The following ATR variants were observed in gnomAD, a reference collection of about 807,000 sequenced individuals.
The protein encoded by ATR is ATR checkpoint kinase.
A neutral mutation model predicts 305.3 loss-of-function variants in ATR; 142 were observed. The ratio of observed to expected loss-of-function variants is 0.47; its 90% CI spans 0.41 to 0.53. The LOEUF is 0.53. Among genes scored for constraint, ATR ranks in the 20% least tolerant of loss-of-function variants. ATR has a pLI of 0.00. For synonymous variants in ATR, 1,050 were observed against 1,068.1 expected (o/e 0.98, Z 0.33); for missense variants, 2,135 against 3,133.1 (o/e 0.68, Z 7.60).
chr3:142,557,475 T>C (rs1227859241), intron 8 of ATR, among the ~76,000 whole-genome samples: 4 of 152,136 alleles, frequency 2.6e-5, no homozygotes, highest in Non-Finnish European at 5.9e-5. Context: ...ATAAAGATAG[T>C]GTTGATCAAC....
At chr3:142,577,991 ACT>A (rs2035494732) in intron 1 of ATR, among the ~76,000 whole-genome samples, 3 of 152,176 alleles carry the variant, frequency 2.0e-5, no homozygotes, top group Non-Finnish European at 4.4e-5. Context: ...TTTTGGCAAC[ACT>A]CTGTGCACGC....
At chr3:142,515,165 A>G (rs550515749) in intron 25 of ATR, among the ~76,000 whole-genome samples, 1 of 152,292 alleles carries the variant, frequency 6.6e-6, no homozygotes, top group East Asian at 1.9e-4. Flanking sequence ...TTACACACAC[A>G]TTAAGACCAT....
intron 21 of ATR, among the ~76,000 whole-genome samples, chr3:142,533,542 TTC>T (rs1290535583): frequency 2.0e-5 from 3 of 152,158 alleles, no homozygotes; most frequent in Admixed American, 2.0e-4. Context: ...ACCCATTTCC[TTC>T]TCTCTTTATT....
rs1447362415 is a variant in ATR at position 142,452,660 on chromosome 3, C to T, written c.7761+468G>A. Reference sequence around the variant, plus strand: ...CTGTACTCCAGCCTGGATGACAGAGCGAGACTCTGTCTCAAAAACAACAAC... The same window carrying T: ...CTGTACTCCAGCCTGGATGACAGAGTGAGACTCTGTCTCAAAAACAACAAC... On this transcript the variant is annotated intron_variant, in intron 46 of 46. Transcript: ENST00000350721. 6 of 998,370 alleles carry T rather than the reference C, an allele frequency of 6.0e-6. No individual in the cohort carries two copies. In the South Asian group the frequency reaches 1.3e-4, roughly 22 times the overall value. The allele number at this position is 998,370 out of a possible 1,614,324, so 61.8% of individuals were successfully genotyped here.
At chr3:142,578,595 A>G (rs2035517246) in intron 1 of ATR, 51 bp downstream of exon 1, 1 of 1,583,166 alleles carries the variant, frequency 6.3e-7, no homozygotes, top group Admixed American at 1.8e-5. Flanking sequence ...GTGAAACCCA[A>G]GCCGGAATCA....
At chr3:142,549,384 A>G (rs2034395250) in intron 15 of ATR, 95 bp downstream of exon 15, 1 of 836,004 alleles carries the variant, frequency 1.2e-6, no homozygotes, top group South Asian at 2.2e-5. Flanking sequence ...AGGATAGGCT[A>G]TAATTTACTC....
chr3:142,491,742 G>A (rs2031290988), intron 35 of ATR, among the ~76,000 whole-genome samples: 1 of 152,162 alleles, frequency 6.6e-6, no homozygotes, highest in Admixed American at 6.5e-5. Context: ...TCATCAGAAT[G>A]CAACACTTCC....
chr3:142,495,626 C>T (rs564531791), intron 34 of ATR, among the ~76,000 whole-genome samples: 1 of 152,136 alleles, frequency 6.6e-6, no homozygotes, highest in South Asian at 2.1e-4. Context: ...CACCCGTAGT[C>T]CCAGCTACTC....
intron 19 of ATR, among the ~76,000 whole-genome samples, chr3:142,537,497 T>C (rs2033901471): frequency 6.6e-6 from 1 of 152,032 alleles, no homozygotes; most frequent in African/African-American, 2.4e-5. Context: ...AGTCCCAAAA[T>C]CTAAATTAGT....
At chr3:142,484,236 A>G (rs1314415420) in intron 36 of ATR, among the ~76,000 whole-genome samples, 1 of 152,248 alleles carries the variant, frequency 6.6e-6, no homozygotes, top group Non-Finnish European at 1.5e-5. Context: ...AATGCTACAT[A>G]GAAAAGGCCA....
Position 142,553,855 on chromosome 3 carries a change from G to A in ATR, c.2502C>T (p.Ser834=), listed in dbSNP as rs1233072069. ...FSGNIKHILE[S]LDSEDGFIKE... ...TTATAAATCCATCTTCAGAGTCCAA[G>A]GATTCCAATATGTGCTTGATATTTC... The change falls in exon 11 of 47, where the codon TCC becomes TCT. Residue 834 remains serine, a synonymous_variant. Coordinates refer to ENST00000350721, the MANE Select transcript of ATR (RefSeq NM_001184.4). The A allele has an allele frequency of 6.2e-7, 1 of 1,613,600 alleles. No homozygotes were observed. The highest frequency in any genetic ancestry group is 2.2e-5 in the East Asian group (1 of 44,746).
In ATR at chr3:142,496,518, G is replaced by A; in HGVS notation, c.5741C>T (p.Pro1914Leu). ...TTCTCCAACCATTTCATTGTAATCT[G>A]GTCTAAAGGAAGTAACAACACATTG... ...RRALLSLNKR[P>L]DYNEMVGECW... The change falls in exon 34 of 47, where the codon CCA becomes CTA. Residue 1914 changes from proline (P) to leucine (L), a missense_variant and splice_region_variant. Pro to Leu is a moderately conservative substitution (Grantham distance 98, BLOSUM62 -3). Coordinates refer to ENST00000350721, the MANE Select transcript of ATR (RefSeq NM_001184.4). The A allele has an allele frequency of 6.2e-7, 1 of 1,608,116 alleles. No individual in the cohort carries two copies. The highest frequency in any genetic ancestry group is 8.5e-7 in the Non-Finnish European group (1 of 1,177,062).
chr3:142,473,140 GC>G (rs1378073942), intron 36 of ATR, among the ~76,000 whole-genome samples: 1 of 152,134 alleles, frequency 6.6e-6, no homozygotes, highest in Non-Finnish European at 1.5e-5. Flanking sequence ...TGTTGGCTGT[GC>G]TTTTTGGTTC....
intron 25 of ATR, 58 bp from the exon 26 acceptor site, chr3:142,513,696 A>G (rs957848859): frequency 6.5e-7 from 1 of 1,535,460 alleles, no homozygotes; most frequent in African/African-American, 1.4e-5. Context: ...TAAATGTCAA[A>G]GAGTAGCATG....
intron 2 of ATR, 135 bp downstream of exon 2, chr3:142,567,924 CAAAT>C: frequency 1.4e-6 from 1 of 691,626 alleles, no homozygotes; most frequent in South Asian, 2.3e-5. Flanking sequence ...TACTGATTAA[CAAAT>C]AACTTGCTTG....
intron 29 of ATR, 67 bp downstream of exon 29, chr3:142,505,072 A>C (rs2032169163): frequency 8.8e-6 from 14 of 1,585,724 alleles, no homozygotes; most frequent in African/African-American, 1.3e-5. Context: ...AACAAAAAAA[A>C]CTAAGGTTTC....
chr3:142,554,400 G>A (rs1355385341), intron 10 of ATR, among the ~76,000 whole-genome samples: 1 of 151,968 alleles, frequency 6.6e-6, no homozygotes, highest in African/African-American at 2.4e-5. Context: ...GCTAATTTTT[G>A]TATTTTTTGT....
chr3:142,540,691 T>C (rs1231084659), intron 18 of ATR, among the ~76,000 whole-genome samples: 3 of 152,248 alleles, frequency 2.0e-5, no homozygotes, highest in Admixed American at 6.5e-5. Flanking sequence ...TGTAGGTTCA[T>C]TGATAACTCT....
intron 27 of ATR, among the ~76,000 whole-genome samples, chr3:142,509,580 A>G (rs1401565943): frequency 3.3e-4 from 34 of 103,716 alleles, no homozygotes; most frequent in African/African-American, 1.2e-3. Context: ...TTTTGGAGAC[A>G]GGGTCTCACT....
Sources: allele counts gnomAD v4.1 joint callset (sites outside exome capture counted in the v4.1 genomes callset), GRCh38; gene constraint gnomAD v4.1.1; transcripts MANE v1.5; gene names NCBI Gene and HGNC (gene_info 2026-07-23, HGNC 2026-07-21).